Variants in ULK4 observed in about 807,000 individuals in gnomAD.
The protein encoded by ULK4 is unc-51 like kinase 4.
Under a neutral mutation model 160.6 loss-of-function variants are expected in ULK4, and 133 were observed. That is an observed-to-expected ratio of 0.83 (90% confidence interval 0.72 to 0.96). ULK4 has a LOEUF of 0.96. ULK4 is among the 40% of genes least tolerant of loss of function. ULK4 has a pLI of 0.00. For synonymous variants in ULK4, 534 were observed against 539.8 expected (o/e 0.99, Z 0.15); for missense variants, 1,580 against 1,499.5 (o/e 1.05, Z -0.89).
At chr3:41,281,554 T>G (rs1407629878) in intron 35 of ULK4, among the ~76,000 whole-genome samples, 2 of 152,132 alleles carry the variant, frequency 1.3e-5, no homozygotes, top group Non-Finnish European at 2.9e-5. Context: ...AAAAATCACA[T>G]GATTATCTCA....
chr3:41,675,827 G>A (rs556330494), intron 29 of ULK4, among the ~76,000 whole-genome samples: 24 of 152,170 alleles, frequency 1.6e-4, no homozygotes, highest in Non-Finnish European at 2.8e-4. Context: ...GCACCTGAAG[G>A]AACCAACGCC....
chr3:41,960,325 G>A (rs1190794801), intron 1 of ULK4, among the ~76,000 whole-genome samples: 1 of 151,918 alleles, frequency 6.6e-6, no homozygotes, highest in Non-Finnish European at 1.5e-5. Context: ...TCCTCTCTAA[G>A]GCTGTTTCCT....
intron 34 of ULK4, among the ~76,000 whole-genome samples, chr3:41,424,965 T>G (rs1339785812): frequency 1.3e-5 from 2 of 151,368 alleles, no homozygotes; most frequent in African/African-American, 2.4e-5. Flanking sequence ...TTGACAGAAG[T>G]AGGCTTCAAA....
chr3:41,787,249 AC>A (rs2040023314), intron 21 of ULK4, among the ~76,000 whole-genome samples: 1 of 152,086 alleles, frequency 6.6e-6, no homozygotes, highest in Non-Finnish European at 1.5e-5. Flanking sequence ...TTTCATCCCA[AC>A]CCAACGACAG....
intron 35 of ULK4, among the ~76,000 whole-genome samples, chr3:41,395,827 C>T (rs568866993): frequency 1.4e-4 from 21 of 152,234 alleles, no homozygotes; most frequent in African/African-American, 5.1e-4. Flanking sequence ...ATGAGCAGCA[C>T]CAGCATCAAC....
At chr3:41,490,759 T>C (rs186515885) in intron 32 of ULK4, among the ~76,000 whole-genome samples, 48 of 152,314 alleles carry the variant, frequency 3.2e-4, no homozygotes, top group African/African-American at 7.7e-4. Flanking sequence ...AAGGTATTCA[T>C]TGAATACTTT....
chr3:41,926,677 C>T (rs983397175), intron 5 of ULK4, among the ~76,000 whole-genome samples: 3 of 152,116 alleles, frequency 2.0e-5, no homozygotes, highest in Admixed American at 2.0e-4. Context: ...AGCTGAAAAA[C>T]ACAGCACGAG....
intron 32 of ULK4, among the ~76,000 whole-genome samples, chr3:41,470,585 C>T (rs978738684): frequency 4.6e-5 from 7 of 151,998 alleles, no homozygotes; most frequent in Admixed American, 3.9e-4. Context: ...ACTCTAATTG[C>T]GGCATGTAAA....
chr3:41,930,314 C>T (rs1009315429), intron 5 of ULK4, among the ~76,000 whole-genome samples: 1 of 152,008 alleles, frequency 6.6e-6, no homozygotes, highest in African/African-American at 2.4e-5. Flanking sequence ...GGACCCCTTC[C>T]TTATACTCTA....
At chr3:41,799,029 T>C (rs1183456779) in intron 20 of ULK4, among the ~76,000 whole-genome samples, 1 of 152,008 alleles carries the variant, frequency 6.6e-6, no homozygotes, top group East Asian at 1.9e-4. Flanking sequence ...ATAGTTCTCA[T>C]TAGATGTCTT....
At chr3:41,780,875 C>A (rs2039817353) in intron 21 of ULK4, among the ~76,000 whole-genome samples, 1 of 152,018 alleles carries the variant, frequency 6.6e-6, no homozygotes, top group Non-Finnish European at 1.5e-5. Context: ...TTATCGGGTT[C>A]CCAGAGACAC....
At chr3:41,611,442 C>T (rs531794141) in intron 31 of ULK4, among the ~76,000 whole-genome samples, 100 of 152,340 alleles carry the variant, frequency 6.6e-4, no homozygotes, top group African/African-American at 2.3e-3. Flanking sequence ...ATTCTGCCCA[C>T]TCTCTGCCCT....
chr3:41,553,124 C>A (rs2087138740), intron 32 of ULK4, among the ~76,000 whole-genome samples: 1 of 151,850 alleles, frequency 6.6e-6, no homozygotes, highest in Non-Finnish European at 1.5e-5. Context: ...AAAGACTTAA[C>A]CATAAGACCA....
intron 32 of ULK4, among the ~76,000 whole-genome samples, chr3:41,482,115 TC>T (rs1363778435): frequency 2.0e-5 from 3 of 152,184 alleles, no homozygotes; most frequent in African/African-American, 7.2e-5. Flanking sequence ...CACTGTGGAA[TC>T]ACCCTGAATT....
At chr3:41,464,318 T>G (rs570416680) in intron 32 of ULK4, among the ~76,000 whole-genome samples, 1 of 152,216 alleles carries the variant, frequency 6.6e-6, no homozygotes, top group East Asian at 1.9e-4. Context: ...GGCAGTGACA[T>G]AGAATGACAG....
chr3:41,539,646 A>T (rs11129910), intron 32 of ULK4, among the ~76,000 whole-genome samples: 32 of 151,950 alleles, frequency 2.1e-4, no homozygotes, highest in African/African-American at 7.7e-4. Flanking sequence ...GACCCTGACA[A>T]TTATAGCTTC....
At chr3:41,936,682 T>A (rs1018758175) in intron 3 of ULK4, among the ~76,000 whole-genome samples, 1 of 152,216 alleles carries the variant, frequency 6.6e-6, no homozygotes, top group African/African-American at 2.4e-5. Context: ...AAACATCGCA[T>A]GTCCTCACTC....
At chr3:41,810,982 C>G (rs535429715) in intron 19 of ULK4, among the ~76,000 whole-genome samples, 19 of 152,202 alleles carry the variant, frequency 1.2e-4, no homozygotes, top group Admixed American at 1.1e-3. Context: ...CTCCTGGGCT[C>G]AACCAATCCT....
intron 22 of ULK4, among the ~76,000 whole-genome samples, chr3:41,736,705 C>T (rs2038062984): frequency 6.6e-6 from 1 of 151,102 alleles, no homozygotes; most frequent in South Asian, 2.1e-4. Flanking sequence ...AATTAGATCC[C>T]ATTTGTCAAT....
Sources: gnomAD v4.1 joint callset for allele counts (sites outside exome capture counted in the v4.1 genomes callset) on GRCh38, gnomAD v4.1.1 for gene constraint, MANE v1.5 for transcripts, NCBI Gene and HGNC (gene_info 2026-07-23, HGNC 2026-07-21) for gene names.